PIBF1: variants seen among roughly 807,000 people sequenced by gnomAD.
PIBF1 encodes the protein progesterone immunomodulatory binding factor 1.
In PIBF1, 90 loss-of-function variants were observed where a neutral mutation model predicts 112.5. The observed-to-expected ratio is 0.80, with a 90% CI of 0.67 to 0.95. The LOEUF is 0.95. PIBF1 is among the 40% of genes least tolerant of loss of function. The pLI is 0.00. For missense variants in PIBF1, 915 were observed against 852.3 expected, an observed-to-expected ratio of 1.07 and a Z score of -0.92; for synonymous variants, 301 against 288.6, an observed-to-expected ratio of 1.04 and a Z score of -0.44.
chr13:72,885,163 CCTT>C (rs1566404036), intron 10 of PIBF1, among the ~76,000 whole-genome samples: 1 of 152,020 alleles, frequency 6.6e-6, no homozygotes, highest in Non-Finnish European at 1.5e-5. Context: ...TGTCATGTCT[CCTT>C]CTACCACCTT....
chr13:72,955,520 GGTT>G (rs1233595610), intron 14 of PIBF1, among the ~76,000 whole-genome samples: 1 of 151,844 alleles, frequency 6.6e-6, no homozygotes, highest in Non-Finnish European at 1.5e-5. Context: ...TTTACCTGCC[GGTT>G]GTTCCTCGAA....
At chr13:72,917,255 CA>C in intron 13 of PIBF1, 89 bp downstream of exon 13, 1 of 652,394 alleles carries the variant, frequency 1.5e-6, no homozygotes, top group Admixed American at 3.4e-5. Flanking sequence ...AGTTCAGTGA[CA>C]AAGTCCTTTA....
chr13:72,939,431 T>G (rs1324429743), intron 14 of PIBF1, among the ~76,000 whole-genome samples: 7 of 152,188 alleles, frequency 4.6e-5, no homozygotes, highest in Non-Finnish European at 8.8e-5. Context: ...ACTTTATTTC[T>G]GTGGATTTAC....
intron 15 of PIBF1, among the ~76,000 whole-genome samples, chr13:72,968,423 C>T (rs934574130): frequency 1.3e-5 from 2 of 151,558 alleles, no homozygotes; most frequent in African/African-American, 4.8e-5. Context: ...GTCTCAGCCT[C>T]CCGAGTAGCT....
At chr13:73,005,284 C>T (rs1299543530) in intron 17 of PIBF1, among the ~76,000 whole-genome samples, 3 of 150,156 alleles carry the variant, frequency 2.0e-5, no homozygotes, top group African/African-American at 7.4e-5. Flanking sequence ...TTGTGAGATC[C>T]TACCTTTACC....
intron 15 of PIBF1, chr13:72,970,465 A>T (rs913036476): frequency 6.6e-5 from 10 of 152,190 alleles, no homozygotes; most frequent in African/African-American, 2.4e-4. Flanking sequence ...ATAAGACTAC[A>T]TTGCCAACTT....
chr13:72,921,625 A>T (rs1016199883), intron 13 of PIBF1, among the ~76,000 whole-genome samples: 4 of 152,150 alleles, frequency 2.6e-5, no homozygotes, highest in African/African-American at 9.7e-5. Context: ...GGTTATCCAA[A>T]ACGTTAATTT....
At chr13:72,971,660 T>C (rs1386099447) in intron 15 of PIBF1, among the ~76,000 whole-genome samples, 1 of 152,228 alleles carries the variant, frequency 6.6e-6, no homozygotes, top group East Asian at 1.9e-4. Flanking sequence ...TTCAACACTT[T>C]ATATAATCAT....
chr13:72,901,266 A>G (rs1424605232), intron 11 of PIBF1, among the ~76,000 whole-genome samples: 1 of 152,242 alleles, frequency 6.6e-6, no homozygotes, highest in Non-Finnish European at 1.5e-5. Flanking sequence ...GACAATTCTC[A>G]AAAGAAGATA....
At chr13:72,859,266 A>G (rs1394109889) in intron 10 of PIBF1, among the ~76,000 whole-genome samples, 1 of 152,166 alleles carries the variant, frequency 6.6e-6, no homozygotes, top group East Asian at 1.9e-4. Flanking sequence ...TTTAAGAGAT[A>G]TATTGCAGGG....
intron 16 of PIBF1, chr13:72,974,236 A>G (rs1159106124): frequency 1.3e-5 from 2 of 152,324 alleles, no homozygotes; most frequent in African/African-American, 4.8e-5. Flanking sequence ...GAATAAAATT[A>G]ACCTTTTTTA....
intron 9 of PIBF1, among the ~76,000 whole-genome samples, chr13:72,836,794 T>C (rs1314063384): frequency 6.6e-6 from 1 of 152,112 alleles, no homozygotes; most frequent in Non-Finnish European, 1.5e-5. Context: ...AAAATGACTC[T>C]CATGAAAATC....
intron 14 of PIBF1, among the ~76,000 whole-genome samples, chr13:72,957,590 GA>G: frequency 6.6e-6 from 1 of 152,092 alleles, no homozygotes; most frequent in Non-Finnish European, 1.5e-5. Flanking sequence ...TGGGTGCACC[GA>G]AATCTCAGAA....
At chr13:72,956,281 C>CT (rs1334590051) in intron 14 of PIBF1, among the ~76,000 whole-genome samples, 3 of 151,996 alleles carry the variant, frequency 2.0e-5, no homozygotes, top group Admixed American at 1.3e-4. Context: ...TATCTGTCTC[C>CT]TTTTTTCAGT....
At chr13:72,956,376 C>T (rs1382116033) in intron 14 of PIBF1, among the ~76,000 whole-genome samples, 3 of 152,074 alleles carry the variant, frequency 2.0e-5, no homozygotes, top group East Asian at 3.9e-4. Flanking sequence ...TGCCAACCAC[C>T]ACTGACACAC....
chr13:72,795,529 A>G lies in PIBF1; in HGVS notation c.524A>G (p.Asp175Gly), dbSNP rs757795426. Residue 175 changes from aspartate (D) to glycine (G), a missense_variant, in exon 4 of 18, where the codon GAT (aspartate) becomes GGT (glycine). Asp to Gly is a moderately conservative substitution (Grantham distance 94). Coordinates refer to ENST00000326291, the MANE Select transcript of PIBF1 (RefSeq NM_006346.4). ...QYIKLKAFPE[D>G]QLSIPEYVSV... is the part of the protein sequence containing the mutation. The stretch of plus-strand genomic sequence containing the variant: ...ATTAAATTAAAAGCTTTTCCTGAAG[A>G]TCAGCTTTCTATTCCTGAATATGTA... The G allele has an allele frequency of 1.3e-6, 2 of 1,592,984 alleles. No homozygotes were observed. Among genetic ancestry groups the G allele is most frequent in the South Asian group, 2.3e-5 (2 of 87,600 alleles).
chr13:72,826,357 C>T (rs1292442327), intron 6 of PIBF1, among the ~76,000 whole-genome samples: 2 of 152,146 alleles, frequency 1.3e-5, no homozygotes, highest in East Asian at 1.9e-4. Flanking sequence ...TAACAGCCCT[C>T]TCTGTGGAAA....
At chr13:72,836,135 C>T (rs775301009) in intron 9 of PIBF1, 9 of 451,252 alleles carry the variant, frequency 2.0e-5, no homozygotes, top group Middle Eastern at 6.6e-4. Context: ...CATTTTTATT[C>T]ATGCAGTTAC....
intron 5 of PIBF1, among the ~76,000 whole-genome samples, chr13:72,817,161 A>T (rs78461380): frequency 6.6e-6 from 1 of 152,194 alleles, no homozygotes; most frequent in African/African-American, 2.4e-5. Flanking sequence ...TTCTATTTCC[A>T]ATTTCCTTAG....
Sources: allele counts gnomAD v4.1 joint callset (sites outside exome capture counted in the v4.1 genomes callset), GRCh38; gene constraint gnomAD v4.1.1; transcripts MANE v1.5; gene names NCBI Gene and HGNC (gene_info 2026-07-23, HGNC 2026-07-21).